PARD3B: variants seen among roughly 807,000 people sequenced by gnomAD.
PARD3B encodes par-3 family cell polarity regulator beta.
PARD3B carries 103 observed loss-of-function variants against 130.2 expected under a neutral mutation model. That is an observed-to-expected ratio of 0.79 (90% CI 0.67 to 0.93). The LOEUF is 0.93. PARD3B is among the 40% of genes least tolerant of loss of function. PARD3B has a pLI of 0.00. For missense variants in PARD3B, 1,609 were observed against 1,499.2 expected (o/e 1.07, Z -1.21); for synonymous variants, 583 against 553.2 (o/e 1.05, Z -0.76).
intron 15 of PARD3B, among the ~76,000 whole-genome samples, chr2:205,242,469 T>C (rs571579100): frequency 6.6e-6 from 1 of 152,306 alleles, no homozygotes; most frequent in Non-Finnish European, 1.5e-5. Context: ...TGACTATACA[T>C]AATAAAACCG....
At chr2:204,908,836 G>T (rs1225947898) in intron 2 of PARD3B, among the ~76,000 whole-genome samples, 1 of 152,174 alleles carries the variant, frequency 6.6e-6, no homozygotes, top group South Asian at 2.1e-4. Flanking sequence ...TTTTTCTGTA[G>T]TTCTGTTAGA....
At chr2:204,973,077 C>G (rs10200237) in intron 3 of PARD3B, among the ~76,000 whole-genome samples, 3,271 of 152,240 alleles carry the variant, frequency 0.021, 115 homozygotes, top group African/African-American at 0.075. Context: ...CCCCATGCCC[C>G]CACCAGTAAA....
At chr2:204,710,291 C>T (rs933375401) in intron 2 of PARD3B, among the ~76,000 whole-genome samples, 1 of 152,144 alleles carries the variant, frequency 6.6e-6, no homozygotes, top group Non-Finnish European at 1.5e-5. Flanking sequence ...GGTTGACTGG[C>T]ACATACTGCC....
intron 20 of PARD3B, among the ~76,000 whole-genome samples, chr2:205,496,843 C>A (rs2049945396): frequency 6.7e-6 from 1 of 149,726 alleles, no homozygotes; most frequent in South Asian, 2.1e-4. Flanking sequence ...CTGATGACTT[C>A]ATTCTACTTG....
chr2:205,594,005 G>T (rs536805099), intron 22 of PARD3B, among the ~76,000 whole-genome samples: 3 of 152,290 alleles, frequency 2.0e-5, no homozygotes, highest in African/African-American at 7.2e-5. Context: ...CCAATGCACA[G>T]ATAAGTGAAG....
At chr2:204,825,984 C>T (rs184910794) in intron 2 of PARD3B, among the ~76,000 whole-genome samples, 4 of 152,290 alleles carry the variant, frequency 2.6e-5, no homozygotes, top group East Asian at 1.9e-4. Context: ...CAACCTCCTT[C>T]GTAGACTCAC....
chr2:204,559,224 G>A (rs1184181186), intron 1 of PARD3B, among the ~76,000 whole-genome samples: 1 of 152,154 alleles, frequency 6.6e-6, no homozygotes, highest in African/African-American at 2.4e-5. Context: ...CTTCTGCACA[G>A]CAAAAGAAAC....
intron 4 of PARD3B, among the ~76,000 whole-genome samples, chr2:205,101,677 A>G (rs1163422665): frequency 6.6e-6 from 1 of 152,250 alleles, no homozygotes; most frequent in Non-Finnish European, 1.5e-5. Flanking sequence ...GTATATCCAT[A>G]AAGTGGAATA....
chr2:205,462,865 T>G (rs1020904620), intron 20 of PARD3B, among the ~76,000 whole-genome samples: 1 of 152,174 alleles, frequency 6.6e-6, no homozygotes, highest in Admixed American at 6.5e-5. Flanking sequence ...GAGCCATTCA[T>G]CAAATCTCAG....
At chr2:204,897,030 T>TA (rs2046663671) in intron 2 of PARD3B, among the ~76,000 whole-genome samples, 1 of 152,226 alleles carries the variant, frequency 6.6e-6, no homozygotes, top group South Asian at 2.1e-4. Flanking sequence ...GTGCTATTCT[T>TA]ATTGACTTGT....
rs540376564 is a variant in PARD3B, at chr2:204,881,686, G to A, written c.223-83466G>A. 1.5e-4 allele frequency among the ~76,000 whole-genome samples: 23 copies of A among 152,296 alleles called. No individual in the cohort carries two copies. In the South Asian group the frequency reaches 4.6e-3, roughly 30 times the overall value. ...AAGGCAAATTTCTGATGGATTCCAG[G>A]CCAGGCTAATGAAGGAAACTCTGAA... On this transcript the variant is annotated intron_variant, in intron 2 of 22. Coordinates refer to ENST00000406610, the MANE Select transcript of PARD3B (RefSeq NM_001302769.2).
At chr2:205,190,302 T>C (rs1559525739) in intron 14 of PARD3B, among the ~76,000 whole-genome samples, 1 of 152,202 alleles carries the variant, frequency 6.6e-6, no homozygotes. Context: ...GTTGGGTAGA[T>C]TCTCAGTCTG....
chr2:205,306,409 A>G (rs1319558082), intron 18 of PARD3B, among the ~76,000 whole-genome samples: 1 of 152,250 alleles, frequency 6.6e-6, no homozygotes, highest in Non-Finnish European at 1.5e-5. Flanking sequence ...GAAAAACACT[A>G]TTAAAATATT....
chr2:204,646,930 G>A (rs191460739), intron 1 of PARD3B, among the ~76,000 whole-genome samples: 6 of 152,102 alleles, frequency 3.9e-5, no homozygotes, highest in Admixed American at 1.3e-4. Context: ...ACAGTTGGAC[G>A]AAATTATCTA....
At chr2:205,153,244 CT>C (rs1298960193) in intron 10 of PARD3B, among the ~76,000 whole-genome samples, 1 of 152,200 alleles carries the variant, frequency 6.6e-6, no homozygotes, top group East Asian at 1.9e-4. Context: ...CAGGGACCCA[CT>C]TGAAGAGGCA....
intron 18 of PARD3B, among the ~76,000 whole-genome samples, chr2:205,315,591 A>C (rs1238280848): frequency 6.6e-6 from 1 of 152,184 alleles, no homozygotes; most frequent in East Asian, 1.9e-4. Flanking sequence ...AGGGACCTCT[A>C]GAAAAATCAT....
At chr2:205,343,197 C>T (rs988330605) in intron 18 of PARD3B, among the ~76,000 whole-genome samples, 54 of 152,164 alleles carry the variant, frequency 3.5e-4, no homozygotes, top group African/African-American at 1.3e-3. Flanking sequence ...GATGAAGCCC[C>T]CGACTGTAGG....
chr2:205,507,196 ATTTTTTTTTTTTTTTT>A lies in PARD3B; in HGVS notation c.3180+7186_3180+7201del, dbSNP rs71410819. ...ACCTTCATGGCCAGACAGGTGCAGTATTTTTTTTTTTTTTTTTTTTTTTTTTTTTTTTTTTTGAGAC... is the reference window on the plus strand; with the variant it reads ...ACCTTCATGGCCAGACAGGTGCAGTATTTTTTTTTTTTTTTTTTTTGAGAC... On this transcript the variant is annotated intron_variant, in intron 21 of 22. Coordinates refer to ENST00000406610, the MANE Select transcript of PARD3B (RefSeq NM_001302769.2). 5.5e-3 allele frequency among the ~76,000 whole-genome samples: 138 copies of A among 25,194 alleles called. 1 individual carries two copies. The highest frequency in any genetic ancestry group is 0.048 in the East Asian group (32 of 666). The allele number at this position is 25,194 out of a possible 152,430, so 16.5% of individuals were successfully genotyped here.
chr2:204,596,254 T>G (rs934046036), intron 1 of PARD3B, among the ~76,000 whole-genome samples: 1 of 152,210 alleles, frequency 6.6e-6, no homozygotes, highest in African/African-American at 2.4e-5. Context: ...ATTATGAGCC[T>G]TCCTTACCCC....
Sources: allele counts gnomAD v4.1 joint callset (sites outside exome capture counted in the v4.1 genomes callset), GRCh38; gene constraint gnomAD v4.1.1; transcripts MANE v1.5; gene names NCBI Gene and HGNC (gene_info 2026-07-23, HGNC 2026-07-21).